The following LRIG1 variants were observed in gnomAD, a reference collection of about 807,000 sequenced individuals.
The protein encoded by LRIG1 is leucine rich repeats and immunoglobulin like domains 1.
Under a neutral mutation model 99.2 loss-of-function variants are expected in LRIG1, and 48 were observed. That is an observed-to-expected ratio of 0.48 (90% CI 0.38 to 0.62). The LOEUF (loss-of-function observed/expected upper bound fraction) is 0.62, where lower values mean the gene tolerates loss of function less well. Among genes scored for constraint, LRIG1 ranks in the 20% least tolerant of loss-of-function variants. The pLI is 0.00. For missense variants in LRIG1, 1,646 were observed against 1,434.4 expected (o/e 1.15, Z -2.38); for synonymous variants, 772 against 596.1 (o/e 1.29, Z -4.30).
chr3:66,428,231 C>G (rs1376237425), intron 3 of LRIG1, among the ~76,000 whole-genome samples: 1 of 152,160 alleles, frequency 6.6e-6, no homozygotes, highest in Non-Finnish European at 1.5e-5. Context: ...TGGTAGTTTT[C>G]TTTTAAATCA....
In LRIG1 at chr3:66,478,494, G is replaced by A. The variant is rs143551031; in HGVS notation, c.219-15985C>T. 3.3e-3 allele frequency among the ~76,000 whole-genome samples: 510 copies of A among 152,292 alleles called. 2 individuals are homozygous for A. The highest frequency in any genetic ancestry group is 6.0e-3 in the Non-Finnish European group (410 of 68,032). ...TTAAGCACCTGCTGCGTGCCAGGAG[G>A]ACCACACAGGTCAATAAGGTAGGCT... On this transcript the variant is annotated intron_variant, in intron 1 of 18. Transcript: ENST00000273261.
At chr3:66,412,615 C>T (rs1349482670) in intron 6 of LRIG1, among the ~76,000 whole-genome samples, 1 of 152,222 alleles carries the variant, frequency 6.6e-6, no homozygotes, top group Admixed American at 6.5e-5. Flanking sequence ...TTGAAGAATC[C>T]TTCAGGAGAG....
intron 6 of LRIG1, among the ~76,000 whole-genome samples, chr3:66,411,047 C>T (rs771106743): frequency 2.6e-5 from 4 of 152,208 alleles, no homozygotes; most frequent in Non-Finnish European, 4.4e-5. Context: ...TATCCAAGAG[C>T]ACTGACTCCA....
At chr3:66,486,605 A>C (rs911133265) in intron 1 of LRIG1, among the ~76,000 whole-genome samples, 6 of 152,222 alleles carry the variant, frequency 3.9e-5, no homozygotes, top group Non-Finnish European at 8.8e-5. Flanking sequence ...TCAACTAATG[A>C]TTCTGAATAG....
chr3:66,405,995 C>T (rs1702255338), intron 8 of LRIG1: 1 of 991,604 alleles, frequency 1.0e-6, no homozygotes, highest in Non-Finnish European at 1.2e-6. Context: ...ACCTGGAGAC[C>T]AGGCCCCCAT....
At chr3:66,393,895 C>G (rs1008631538) in intron 12 of LRIG1, 145 bp downstream of exon 12, 99 of 830,218 alleles carry the variant, frequency 1.2e-4, no homozygotes, top group Non-Finnish European at 1.7e-4. Context: ...GTGGTTTCAG[C>G]AAGAAATAAA....
At chr3:66,417,013 C>G in intron 4 of LRIG1, 116 bp downstream of exon 4, 1 of 1,394,740 alleles carries the variant, frequency 7.2e-7, no homozygotes, top group South Asian at 1.3e-5. Flanking sequence ...CTCGGCCCAG[C>G]CGTGGTTGAG....
intron 3 of LRIG1, among the ~76,000 whole-genome samples, chr3:66,438,726 C>G (rs1430784921): frequency 1.3e-5 from 2 of 152,200 alleles, no homozygotes; most frequent in Admixed American, 1.3e-4. Flanking sequence ...GATACCACTG[C>G]AGAAATTCCA....
At chr3:66,467,896 A>G (rs9841931) in intron 1 of LRIG1, among the ~76,000 whole-genome samples, 136,259 of 152,246 alleles carry the variant, frequency 0.89, 62,539 homozygotes, top group South Asian at 0.99. Context: ...GAGCTACCCA[A>G]TAACTCGAGA....
At chr3:66,440,646 A>C (rs1354352930) in intron 3 of LRIG1, among the ~76,000 whole-genome samples, 10 of 152,264 alleles carry the variant, frequency 6.6e-5, no homozygotes, top group Admixed American at 1.3e-4. Flanking sequence ...ACAGCAGCAA[A>C]AGCAGGCTTG....
intron 3 of LRIG1, among the ~76,000 whole-genome samples, chr3:66,451,285 C>T (rs1316626825): frequency 6.6e-6 from 1 of 151,190 alleles, no homozygotes; most frequent in East Asian, 1.9e-4. Context: ...AGCAAGAAAT[C>T]TAGTTCCATA....
intron 1 of LRIG1, among the ~76,000 whole-genome samples, chr3:66,476,182 T>C (rs950373396): frequency 2.6e-5 from 4 of 152,166 alleles, no homozygotes; most frequent in Non-Finnish European, 5.9e-5. Context: ...TCACTCGAAA[T>C]GCGCAGAGAT....
Position 66,378,921 on chromosome 3 carries a change from AAAGT to A in LRIG1, c.*1338_*1341del, listed in dbSNP as rs1448971726. On this transcript the variant is annotated 3_prime_UTR_variant, in exon 19 of 19. Transcript: ENST00000273261. Reference sequence around the variant, plus strand: ...CTATAAATAAATAACTTTGTACATAAAAGTAATACTCCCTCTTTCACATTGCCTC... The same window carrying A: ...CTATAAATAAATAACTTTGTACATAAAATACTCCCTCTTTCACATTGCCTC... 1.3e-5 allele frequency: 2 copies of A among 152,658 alleles called. No homozygotes were observed. The highest frequency in any genetic ancestry group is 2.9e-5 in the Non-Finnish European group (2 of 68,044). The allele number at this position is 152,658 out of a possible 1,614,324, so 9.5% of individuals were successfully genotyped here.
chr3:66,493,353 C>T (rs1051483657), intron 1 of LRIG1, among the ~76,000 whole-genome samples: 20 of 152,214 alleles, frequency 1.3e-4, no homozygotes, highest in Non-Finnish European at 2.6e-4. Flanking sequence ...ACAGACATAA[C>T]TATTTGTACA....
intron 12 of LRIG1, among the ~76,000 whole-genome samples, chr3:66,390,637 G>A (rs1701581001): frequency 6.6e-6 from 1 of 152,044 alleles, no homozygotes; most frequent in South Asian, 2.1e-4. Flanking sequence ...AAATGGCAAG[G>A]GATCCATAAT....
chr3:66,485,186 A>T (rs956600669), intron 1 of LRIG1, among the ~76,000 whole-genome samples: 1 of 151,216 alleles, frequency 6.6e-6, no homozygotes, highest in African/African-American at 2.4e-5. Flanking sequence ...AAATTATCAT[A>T]CAAAATTATT....
At chr3:66,387,936 A>C (rs1701455761) in intron 12 of LRIG1, 1 of 125,078 alleles carries the variant, frequency 8.0e-6, no homozygotes, top group Admixed American at 8.1e-5. Context: ...TCTCTACTAA[A>C]AATACAAAAA....
rs189758324 is a variant in LRIG1, at chr3:66,481,402, G to A, written c.218+18788C>T. The stretch of plus-strand genomic sequence containing the variant: ...ATATAATCAGAACATTAAAAGCATT[G>A]TTTCACCTTCTAGGGAGGCTGTGCC... On this transcript the variant is annotated intron_variant, in intron 1 of 18. Coordinates refer to ENST00000273261, the MANE Select transcript of LRIG1 (RefSeq NM_015541.3). Among the ~76,000 whole-genome samples, 3 of 152,240 alleles carry A rather than the reference G, an allele frequency of 2.0e-5. No homozygotes were observed. In the East Asian group the frequency reaches 5.8e-4, roughly 29 times the overall value.
At chr3:66,498,838 T>C (rs1295595938) in intron 1 of LRIG1, among the ~76,000 whole-genome samples, 1 of 152,216 alleles carries the variant, frequency 6.6e-6, no homozygotes, top group South Asian at 2.1e-4. Context: ...TAAAGATTCG[T>C]GCCCCATTTT....
Sources: gnomAD v4.1 joint callset for allele counts (sites outside exome capture counted in the v4.1 genomes callset) on GRCh38, gnomAD v4.1.1 for gene constraint, MANE v1.5 for transcripts, NCBI Gene and HGNC (gene_info 2026-07-23, HGNC 2026-07-21) for gene names.